ELN: variants seen among roughly 807,000 people sequenced by gnomAD.
ELN encodes tropoelastin.
Under a neutral mutation model 105.8 loss-of-function variants are expected in ELN, and 65 were observed. The ratio of observed to expected loss-of-function variants is 0.61; its 90% CI spans 0.50 to 0.75. ELN has a LOEUF of 0.75. Among genes scored for constraint, ELN ranks in the 30% least tolerant of loss-of-function variants. The pLI is 0.00. For missense variants in ELN, 882 were observed against 969.4 expected, an observed-to-expected ratio of 0.91 and a Z score of 1.20; for synonymous variants, 368 against 389.2, an observed-to-expected ratio of 0.95 and a Z score of 0.64.
chr7:74,065,019 T>C (rs1349683729), intron 29 of ELN, among the ~76,000 whole-genome samples: 2 of 152,008 alleles, frequency 1.3e-5, no homozygotes, highest in Non-Finnish European at 2.9e-5. Flanking sequence ...GGTAGGTGGA[T>C]TGCTTGAGGC....
rs1554669122 is a variant in ELN, at chr7:74,042,598, A to C, written c.233-16A>C. On this transcript the variant is annotated splice_polypyrimidine_tract_variant and intron_variant, in intron 5 of 32. Coordinates refer to ENST00000252034, the MANE Select transcript of ELN (RefSeq NM_000501.4). ...GTGTGGTAGCTCAGGACCTCACCCC[A>C]TCCTCCCCTCCGCAGGGCTCGGCGC... 1 of 1,612,002 alleles carries C rather than the reference A, an allele frequency of 6.2e-7. No homozygotes were observed. The highest frequency in any genetic ancestry group is 8.5e-7 in the Non-Finnish European group (1 of 1,179,616).
At chr7:74,031,856 GGAAA>G (rs1396593058) in intron 1 of ELN, among the ~76,000 whole-genome samples, 10 of 130,886 alleles carry the variant, frequency 7.6e-5, no homozygotes, top group Middle Eastern at 4.0e-3. Flanking sequence ...AAGGAAGGAA[GGAAA>G]GAAGGAAGGA....
chr7:74,042,666 A>G lies in ELN; in HGVS notation c.285A>G (p.Gly95=). 1.9e-6 allele frequency: 3 copies of G among 1,613,450 alleles called. No homozygotes were observed. Residue 95 remains glycine (G), a synonymous_variant, in exon 6 of 33, where the codon GGA becomes GGG. Transcript: ENST00000252034. ...TTCCGGGGGCTCTGGTGCCTGGTGG[A>G]GTGGCTGACGCTGCTGCAGCCTATA... ...VTFPGALVPG[G]VADAAAAYKA...
Position 74,069,507 on chromosome 7 carries a change from A to G in ELN, c.*807A>G, listed in dbSNP as rs2132855517. 1 of 233,954 alleles carries G rather than the reference A, an allele frequency of 4.3e-6. No individual in the cohort carries two copies. Among genetic ancestry groups the G allele is most frequent in the African/African-American group, 2.2e-5 (1 of 45,366 alleles). 14.5% of individuals were successfully genotyped at this position (233,954 alleles called of 1,614,324 possible). On this transcript the variant is annotated 3_prime_UTR_variant, in exon 33 of 33. Coordinates refer to ENST00000252034, the MANE Select transcript of ELN (RefSeq NM_000501.4). The stretch of plus-strand genomic sequence containing the variant: ...CCCCAGGGCGTGCGGGGCTGTGCAG[A>G]CTGGGGTGCCAGGCATCTCCTCCCC...
rs962704957 is a variant in ELN at position 74,036,718 on chromosome 7, C to T, written c.163+134C>T. The T allele has an allele frequency of 3.6e-5, 47 of 1,307,880 alleles. No homozygotes were observed. Among genetic ancestry groups the T allele is most frequent in the East Asian group, 7.0e-5 (3 of 42,686 alleles). The allele number at this position is 1,307,880 out of a possible 1,614,324, so 81.0% of individuals were successfully genotyped here. On this transcript the variant is annotated intron_variant, in intron 3 of 32. Coordinates refer to ENST00000252034, the MANE Select transcript of ELN (RefSeq NM_000501.4). ...CCTCATTTCACAGACAGCATCCAGG[C>T]GGTGGGAGGAGGCTTCTTTGAGAAC...
chr7:74,049,397 T>A (rs1190655819), intron 15 of ELN, among the ~76,000 whole-genome samples: 5 of 150,368 alleles, frequency 3.3e-5, no homozygotes, highest in African/African-American at 1.2e-4. Flanking sequence ...CATCCATCCA[T>A]CTATGCACCC....
chr7:74,062,699 C>T (rs1184623409), intron 26 of ELN, among the ~76,000 whole-genome samples: 8 of 152,120 alleles, frequency 5.3e-5, no homozygotes, highest in East Asian at 1.9e-4. Context: ...TACAGGCGCC[C>T]GCCACCACGC....
In ELN at chr7:74,058,007, C is replaced by T. The variant is rs186774615; in HGVS notation, c.1414+311C>T. Reference sequence around the variant, plus strand: ...TCCCCTTGAGGGACTCCAGTTCTCCCCCTTCTCCTTCTCTTTCTCCTTCTC... The same window carrying T: ...TCCCCTTGAGGGACTCCAGTTCTCCTCCTTCTCCTTCTCTTTCTCCTTCTC... On this transcript the variant is annotated intron_variant, in intron 22 of 32. Transcript: ENST00000252034. Among the ~76,000 whole-genome samples, 425 of 151,934 alleles carry T rather than the reference C, an allele frequency of 2.8e-3. 1 individual carries two copies. The highest frequency in any genetic ancestry group is 5.3e-3 in the Admixed American group (80 of 15,236).
Position 74,069,007 on chromosome 7 carries a change from C to T in ELN, c.*307C>T, listed in dbSNP as rs1161127379. 6 of 478,268 alleles carry T rather than the reference C, an allele frequency of 1.3e-5. No individual in the cohort carries two copies. Among genetic ancestry groups the T allele is most frequent in the Non-Finnish European group, 1.9e-5 (5 of 259,624 alleles). 29.6% of individuals were successfully genotyped at this position (478,268 alleles called of 1,614,324 possible). ...ATCTCCAGGGGAACTTGGTGCTACA[C>T]GCTGGTGCTCTTATCTTCCTGGGGG... On this transcript the variant is annotated 3_prime_UTR_variant, in exon 33 of 33. Transcript: ENST00000252034.
At position 74,056,559 on chromosome 7, in the gene ELN, G is replaced by A. The variant is rs1583908331; in HGVS notation, c.1316-113G>A. The A allele has an allele frequency of 3.1e-6, 5 of 1,599,826 alleles. No individual in the cohort carries two copies. In the East Asian group the frequency reaches 6.7e-5, roughly 21 times the overall value. On this transcript the variant is annotated intron_variant, in intron 20 of 32. Transcript: ENST00000252034. ...GAATGTGCTCAGGGAGGAGTTGGGGGAGAAGAAGGGAGGTCGTATCCATGC... is the reference window on the plus strand; with the variant it reads ...GAATGTGCTCAGGGAGGAGTTGGGGAAGAAGAAGGGAGGTCGTATCCATGC...
At chr7:74,049,492 T>C (rs868990878) in intron 15 of ELN, among the ~76,000 whole-genome samples, 1 of 150,196 alleles carries the variant, frequency 6.7e-6, no homozygotes, top group South Asian at 2.1e-4. Flanking sequence ...TATCCATCTA[T>C]TCCCCCATAT....
chr7:74,043,696 G>T, intron 8 of ELN, 183 bp from the exon 9 acceptor site: 1 of 732,534 alleles, frequency 1.4e-6, no homozygotes, highest in Non-Finnish European at 2.4e-6. Flanking sequence ...CGAAGAGTTT[G>T]CAGATGACTT....
At chr7:74,052,580 C>CA (rs1208530337) in intron 17 of ELN, 27 of 144,202 alleles carry the variant, frequency 1.9e-4, no homozygotes, top group East Asian at 3.8e-4. Context: ...GAATTTGGTT[C>CA]AAAAAAAAAG....
In ELN at chr7:74,054,661, A is replaced by G. The variant is rs558837542; in HGVS notation, c.1097-55A>G. 21 of 1,573,386 alleles carry G rather than the reference A, an allele frequency of 1.3e-5. No individual in the cohort carries two copies. In the African/African-American group the frequency reaches 2.3e-4, roughly 17 times the overall value. On this transcript the variant is annotated intron_variant, in intron 18 of 32. Coordinates refer to ENST00000252034, the MANE Select transcript of ELN (RefSeq NM_000501.4). ...ATGGGTAGACAGAGGGATACATACT[A>G]CACAGCTCTCCTCCAATCTCTCCTG...
chr7:74,038,678 G>A (rs782461889), intron 4 of ELN, among the ~76,000 whole-genome samples: 7 of 152,214 alleles, frequency 4.6e-5, no homozygotes, highest in Non-Finnish European at 7.3e-5. Flanking sequence ...GACTTTGGCC[G>A]CCCCACACCC....
At chr7:74,055,792 A>G (rs1173728920) in intron 19 of ELN, among the ~76,000 whole-genome samples, 5 of 116,570 alleles carry the variant, frequency 4.3e-5, no homozygotes, top group Admixed American at 2.8e-4. Context: ...AAAAAAAGAA[A>G]TTTTTTTTTT....
At position 74,034,833 on chromosome 7, in the gene ELN, G is replaced by A. The variant is rs554868890; in HGVS notation, c.83-531G>A. Among the ~76,000 whole-genome samples the A allele has an allele frequency of 8.5e-5, 13 of 152,302 alleles. No homozygotes were observed. The East Asian group carries it at 2.5e-3, about 29-fold the overall frequency. On this transcript the variant is annotated intron_variant, in intron 1 of 32. Transcript: ENST00000252034. The stretch of plus-strand genomic sequence containing the variant: ...AAGATGATAGTCTCTGGGAGCGGTG[G>A]CTCACACCTGTAATCCCAGCACTTT...
At chr7:74,059,796 G>T in intron 22 of ELN, 90 bp from the exon 23 acceptor site, 1 of 803,882 alleles carries the variant, frequency 1.2e-6, no homozygotes, top group Non-Finnish European at 2.3e-6. Flanking sequence ...GCAAATCTAT[G>T]CCAGGGCCGA....
At chr7:74,043,620 T>C (rs1453497957) in intron 8 of ELN, 1 of 637,464 alleles carries the variant, frequency 1.6e-6, no homozygotes, top group Non-Finnish European at 2.8e-6. Flanking sequence ...CTGGAAGCTG[T>C]TAGCCAGAGG....
Sources: allele counts gnomAD v4.1 joint callset (sites outside exome capture counted in the v4.1 genomes callset), GRCh38; gene constraint gnomAD v4.1.1; transcripts MANE v1.5; gene names NCBI Gene and HGNC (gene_info 2026-07-23, HGNC 2026-07-21).